RARS1: variants seen among roughly 807,000 people sequenced by gnomAD.
RARS1 encodes the protein arginyl-tRNA synthetase 1.
A neutral mutation model predicts 78.7 loss-of-function variants in RARS1; 75 were observed. The ratio of observed to expected loss-of-function variants is 0.95; its 90% CI spans 0.79 to 1.15. RARS1 has a LOEUF of 1.15. Among genes scored for constraint, RARS1 ranks in the 50% most tolerant of loss-of-function variants. The pLI, the probability that RARS1 is intolerant of heterozygous loss-of-function variation, is 0.00. For synonymous variants in RARS1, 273 were observed against 268.2 expected (o/e 1.02, Z -0.18); for missense variants, 787 against 787.5 (o/e 1.00, Z 0.01).
intron 11 of RARS1, among the ~76,000 whole-genome samples, chr5:168,507,552 A>C (rs1758473291): frequency 6.6e-6 from 1 of 152,206 alleles, no homozygotes; most frequent in Admixed American, 6.5e-5. Context: ...CATGCTTCTA[A>C]AAAACCACAT....
chr5:168,500,119 G>A (rs1293328236), intron 7 of RARS1, among the ~76,000 whole-genome samples: 1 of 145,198 alleles, frequency 6.9e-6, no homozygotes, highest in Non-Finnish European at 1.5e-5. Flanking sequence ...CCCGGGACAC[G>A]GAGGTTGCAG....
chr5:168,486,527 C>T lies in RARS1; in HGVS notation c.29C>T (p.Ala10Val), dbSNP rs1341221155. 9.6e-6 allele frequency: 15 copies of T among 1,558,682 alleles called. No individual in the cohort carries two copies. Among genetic ancestry groups the T allele is most frequent in the Non-Finnish European group, 1.2e-5 (14 of 1,150,498 alleles). MDVLVSECS[A>V]RLLQQEEEIK... ...GACGTACTGGTGTCTGAGTGCTCCG[C>T]GCGGCTGCTGCAGCAGGTTTGGACG... The change falls in exon 1 of 15, where the codon GCG becomes GTG. Residue 10 changes from alanine (A) to valine (V), a missense_variant. Physicochemically the swap from Ala to Val is moderately conservative, Grantham distance 64. Transcript: ENST00000231572.
chr5:168,509,521 A>G (rs1369413261), intron 11 of RARS1, among the ~76,000 whole-genome samples: 1 of 148,730 alleles, frequency 6.7e-6, no homozygotes, highest in Non-Finnish European at 1.5e-5. Context: ...CATAAAATTC[A>G]GTTTTCTCAA....
intron 14 of RARS1, 82 bp from the exon 15 acceptor site, chr5:168,518,999 A>C: frequency 8.2e-7 from 1 of 1,220,418 alleles, no homozygotes; most frequent in African/African-American, 1.5e-5. Context: ...TCTAACTAAA[A>C]TTTGCAAGTA....
At position 168,516,708 on chromosome 5, in the gene RARS1, A is replaced by G; in HGVS notation, c.1453-70A>G. 2.7e-6 allele frequency: 4 copies of G among 1,479,640 alleles called. No homozygotes were observed. In the South Asian group the frequency reaches 4.8e-5, roughly 18 times the overall value. 91.7% of individuals were successfully genotyped at this position (1,479,640 alleles called of 1,614,324 possible). A position where few individuals can be genotyped will look rare whatever the true frequency, so the allele number is the denominator to read the frequency against. On this transcript the variant is annotated intron_variant, in intron 12 of 14. Transcript: ENST00000231572. Reference sequence around the variant, plus strand: ...ATTAGATGTTCCCTACCCCAGTCTTATGCCTATGAGACACCAGGGCAGAAG... The same window carrying G: ...ATTAGATGTTCCCTACCCCAGTCTTGTGCCTATGAGACACCAGGGCAGAAG...
intron 12 of RARS1, among the ~76,000 whole-genome samples, chr5:168,514,230 A>G (rs906295378): frequency 6.6e-6 from 1 of 152,158 alleles, no homozygotes. Context: ...GGGGGCTGCC[A>G]AACTTCCTAA....
Position 168,500,757 on chromosome 5 carries a change from A to C in RARS1, c.952+37A>C, listed in dbSNP as rs1039349594. 4 of 1,596,024 alleles carry C rather than the reference A, an allele frequency of 2.5e-6. No homozygotes were observed. The Admixed American group carries it at 5.3e-5, about 21-fold the overall frequency. ...GGCTTTGTTCCTTCGTCCAGCAAAT[A>C]CTATGTATATCATTTCCTGGAGTCT... On this transcript the variant is annotated intron_variant, in intron 8 of 14. Coordinates refer to ENST00000231572, the MANE Select transcript of RARS1 (RefSeq NM_002887.4).
At chr5:168,491,001 G>A (rs996364330) in intron 2 of RARS1, among the ~76,000 whole-genome samples, 1 of 152,158 alleles carries the variant, frequency 6.6e-6, no homozygotes, top group South Asian at 2.1e-4. Context: ...GCCAGGGATG[G>A]TGGCATGGGC....
At chr5:168,494,511 T>A in intron 4 of RARS1, 39 bp from the exon 5 acceptor site, 2 of 1,604,200 alleles carry the variant, frequency 1.2e-6, no homozygotes, top group African/African-American at 1.3e-5. Flanking sequence ...TTATTCAAGA[T>A]AAGACAGTAT....
Position 168,502,384 on chromosome 5 carries a change from A to ATTTTTTTTTTTTTTTT in RARS1, c.1057+291_1057+292insTTTTTTTTTTTTTTTT, listed in dbSNP as rs759302320. On this transcript the variant is annotated intron_variant, in intron 9 of 14. Coordinates refer to ENST00000231572, the MANE Select transcript of RARS1 (RefSeq NM_002887.4). The stretch of plus-strand genomic sequence containing the variant: ...CAAATATATATATATATATATATAT[A>ATTTTTTTTTTTTTTTT]TTTTTTTTTTTTAAAACAATCTTGC... 7.5e-4 allele frequency among the ~76,000 whole-genome samples: 96 copies of ATTTTTTTTTTTTTTTT among 127,210 alleles called. 1 individual carries two copies. The highest frequency in any genetic ancestry group is 3.0e-3 in the African/African-American group (95 of 31,632). 83.5% of individuals were successfully genotyped at this position (127,210 alleles called of 152,430 possible).
chr5:168,502,658 G>A (rs925093131), intron 9 of RARS1, among the ~76,000 whole-genome samples: 5 of 142,352 alleles, frequency 3.5e-5, no homozygotes, highest in African/African-American at 1.3e-4. Context: ...TGCAACCTCC[G>A]CCTCCTGGGT....
chr5:168,519,230 G>T lies in RARS1; in HGVS notation c.*40G>T. 4 of 1,497,320 alleles carry T rather than the reference G, an allele frequency of 2.7e-6. No individual in the cohort carries two copies. Among genetic ancestry groups the T allele is most frequent in the Non-Finnish European group, 3.7e-6 (4 of 1,080,964 alleles). 92.8% of individuals were successfully genotyped at this position (1,497,320 alleles called of 1,614,324 possible). Reference sequence around the variant, plus strand: ...GAACACTGTGTGTTTTTACCAAAGTGGCCATTGGCACTGTTTGCTTTTTTA... The same window carrying T: ...GAACACTGTGTGTTTTTACCAAAGTTGCCATTGGCACTGTTTGCTTTTTTA... On this transcript the variant is annotated 3_prime_UTR_variant, in exon 15 of 15. Coordinates refer to ENST00000231572, the MANE Select transcript of RARS1 (RefSeq NM_002887.4).
At chr5:168,516,696 T>C in intron 12 of RARS1, 82 bp from the exon 13 acceptor site, 1 of 1,360,956 alleles carries the variant, frequency 7.3e-7, no homozygotes, top group Non-Finnish European at 1.0e-6. Context: ...AGATGTTCCC[T>C]ACCCCAGTCT....
chr5:168,502,246 A>G (rs1758342222), intron 9 of RARS1, 141 bp downstream of exon 9: 2 of 1,233,744 alleles, frequency 1.6e-6, no homozygotes, highest in Non-Finnish European at 2.1e-6. Context: ...TATTGTATCT[A>G]TACCTTCTTA....
At position 168,516,760 on chromosome 5, in the gene RARS1, G is replaced by C. The variant is rs1554123261; in HGVS notation, c.1453-18G>C. 6.2e-7 allele frequency: 1 copy of C among 1,613,234 alleles called. No homozygotes were observed. Among genetic ancestry groups the C allele is most frequent in the Non-Finnish European group, 8.5e-7 (1 of 1,179,392 alleles). On this transcript the variant is annotated intron_variant, in intron 12 of 14. Transcript: ENST00000231572. ...AGCAGTCAGTAAGCTATGAAATACT[G>C]TTTTGTTTTTCCCAAAGGTCTTAAC...
At chr5:168,512,643 G>T (rs1364987619) in intron 12 of RARS1, among the ~76,000 whole-genome samples, 2 of 152,188 alleles carry the variant, frequency 1.3e-5, no homozygotes, top group African/African-American at 4.8e-5. Flanking sequence ...TGAAGAACTT[G>T]GAGTCAGATA....
intron 1 of RARS1, among the ~76,000 whole-genome samples, chr5:168,487,259 G>T (rs560528751): frequency 1.3e-5 from 2 of 152,054 alleles, no homozygotes; most frequent in East Asian, 3.9e-4. Flanking sequence ...CTAGCTACTC[G>T]GGAGGCTGAG....
At position 168,518,069 on chromosome 5, in the gene RARS1, G is replaced by GTCTTTT. The variant is rs1758709896; in HGVS notation, c.1873+9_1873+14dup. ...GAGAAAGATAGACAGACTGGTGAGT[G>GTCTTTT]TCTTTTTTTTTTTTTTTTTTTTTTT... On this transcript the variant is annotated splice_region_variant and intron_variant, in intron 14 of 14. Coordinates refer to ENST00000231572, the MANE Select transcript of RARS1 (RefSeq NM_002887.4). 3.0e-6 allele frequency: 2 copies of GTCTTTT among 675,930 alleles called. No homozygotes were observed. Among genetic ancestry groups the GTCTTTT allele is most frequent in the Non-Finnish European group, 3.7e-6 (2 of 534,062 alleles). The allele number at this position is 675,930 out of a possible 1,614,324, so 41.9% of individuals were successfully genotyped here.
rs757722024 is a variant in RARS1, at chr5:168,486,518, A to T, written c.20A>T (p.Glu7Val). 7.7e-6 allele frequency: 12 copies of T among 1,559,138 alleles called. No homozygotes were observed. The African/African-American group carries it at 1.5e-4, about 19-fold the overall frequency. Residue 7 changes from glutamate to valine, a missense_variant, in exon 1 of 15, where the codon GAG becomes GTG. By Grantham distance (121) the Glu-to-Val change is moderately radical (BLOSUM62 -2). Transcript: ENST00000231572. The stretch of plus-strand genomic sequence containing the variant: ...GGGAGGATGGACGTACTGGTGTCTG[A>T]GTGCTCCGCGCGGCTGCTGCAGCAG... MDVLVS[E>V]CSARLLQQEE...
Sources: allele counts gnomAD v4.1 joint callset (sites outside exome capture counted in the v4.1 genomes callset), GRCh38; gene constraint gnomAD v4.1.1; transcripts MANE v1.5; gene names NCBI Gene and HGNC (gene_info 2026-07-23, HGNC 2026-07-21).